The following FAM53C variants were observed in gnomAD, a reference collection of about 807,000 sequenced individuals.
FAM53C encodes protein FAM53C.
Under a neutral mutation model 34.7 loss-of-function variants are expected in FAM53C, and 10 were observed. The ratio of observed to expected loss-of-function variants is 0.29; its 90% CI spans 0.18 to 0.49. The LOEUF (loss-of-function observed/expected upper bound fraction) is 0.49. FAM53C is among the 20% of genes least tolerant of loss of function. The pLI is 0.99. For synonymous variants in FAM53C, 203 were observed against 203.6 expected (o/e 1.00, Z 0.03); for missense variants, 442 against 515.3 (o/e 0.86, Z 1.38).
rs765686400 is a variant in FAM53C, at chr5:138,346,779, C to T, written c.999C>T (p.Ala333=). Residue 333 remains alanine (A), a synonymous_variant, in exon 5 of 5, where the codon GCC becomes GCT. Coordinates refer to ENST00000239906, the MANE Select transcript of FAM53C (RefSeq NM_016605.3). ...GCATCTCTCCACCATGGTTCATGGCCTGTAGCCCCCCACCCCTCTCTGCTT... is the reference window on the plus strand; with the variant it reads ...GCATCTCTCCACCATGGTTCATGGCTTGTAGCCCCCCACCCCTCTCTGCTT... ...GSSISPPWFM[A]CSPPPLSASC... is the part of the protein sequence containing the mutation. The T allele has an allele frequency of 1.9e-5, 31 of 1,614,078 alleles. No individual in the cohort carries two copies. The highest frequency in any genetic ancestry group is 2.5e-5 in the Non-Finnish European group (30 of 1,180,062).
chr5:138,343,165 A>C (rs2126887572), intron 3 of FAM53C: 1 of 152,210 alleles, frequency 6.6e-6, no homozygotes, highest in Non-Finnish European at 1.5e-5. Context: ...TTATTTAATG[A>C]GTTTTCTATT....
intron 2 of FAM53C, 74 bp downstream of exon 2, chr5:138,341,487 T>C: frequency 7.6e-7 from 1 of 1,309,934 alleles, no homozygotes; most frequent in East Asian, 2.3e-5. Context: ...GCTATTACTT[T>C]ACTCTTGTCC....
Position 138,347,857 on chromosome 5 carries a change from C to A in FAM53C, c.*898C>A, listed in dbSNP as rs3832383. 1.9e-5 allele frequency: 2 copies of A among 106,420 alleles called. No homozygotes were observed. The highest frequency in any genetic ancestry group is 3.2e-5 in the African/African-American group (1 of 30,906). The allele number at this position is 106,420 out of a possible 1,614,324, so 6.6% of individuals were successfully genotyped here. ...AACTGAAGCAGGGTTGAGGGGCTCT[C>A]TCTCTCTCTCCTCTGCTGATGGGAC... On this transcript the variant is annotated 3_prime_UTR_variant, in exon 5 of 5. Coordinates refer to ENST00000239906, the MANE Select transcript of FAM53C (RefSeq NM_016605.3).
At position 138,348,829 on chromosome 5, in the gene FAM53C, T is replaced by C. The variant is rs972280329; in HGVS notation, c.*1870T>C. ...TCTATGGTTTCATTCCTCCCCTGGC[T>C]CTTCTCCCTCTTCAGGCCATAATTT... On this transcript the variant is annotated 3_prime_UTR_variant, in exon 5 of 5. Coordinates refer to ENST00000239906, the MANE Select transcript of FAM53C (RefSeq NM_016605.3). 3 of 152,366 alleles carry C rather than the reference T, an allele frequency of 2.0e-5. No homozygotes were observed. The highest frequency in any genetic ancestry group is 2.0e-4 in the Admixed American group (3 of 15,292). 9.4% of individuals were successfully genotyped at this position (152,366 alleles called of 1,614,324 possible).
intron 1 of FAM53C, 69 bp downstream of exon 1, chr5:138,338,376 C>T (rs911054460): frequency 7.7e-6 from 3 of 388,008 alleles, no homozygotes; most frequent in East Asian, 8.3e-5. Flanking sequence ...CCCTCCTTCC[C>T]TCTTTCCCCT....
In FAM53C at chr5:138,347,102, C is replaced by A; in HGVS notation, c.*143C>A. ...CTCAGGGCAGCTGGAAATCTTCTCG[C>A]TCCAGCAAGCTCGACCATGCCAAGA... On this transcript the variant is annotated 3_prime_UTR_variant, in exon 5 of 5. Coordinates refer to ENST00000239906, the MANE Select transcript of FAM53C (RefSeq NM_016605.3). 8.7e-7 allele frequency: 1 copy of A among 1,148,446 alleles called. No homozygotes were observed. The highest frequency in any genetic ancestry group is 3.0e-4 in the Middle Eastern group (1 of 3,340). 71.1% of individuals were successfully genotyped at this position (1,148,446 alleles called of 1,614,324 possible). A position where few individuals can be genotyped will look rare whatever the true frequency, so the allele number is the denominator to read the frequency against.
In FAM53C at chr5:138,346,835, T is replaced by G; in HGVS notation, c.1055T>G (p.Val352Gly). The G allele has an allele frequency of 6.2e-7, 1 of 1,614,092 alleles. No individual in the cohort carries two copies. The highest frequency in any genetic ancestry group is 8.5e-7 in the Non-Finnish European group (1 of 1,180,010). ...SCSPTGGSSQ[V>G]LSESEEEEEG... Reference sequence around the variant, plus strand: ...AGCCCCACTGGGGGTTCCTCCCAGGTGCTGAGTGAAAGCGAAGAGGAGGAG... The same window carrying G: ...AGCCCCACTGGGGGTTCCTCCCAGGGGCTGAGTGAAAGCGAAGAGGAGGAG... Residue 352 changes from valine (V) to glycine (G), a missense_variant, in exon 5 of 5, where the codon GTG becomes GGG. By Grantham distance (109) the Val-to-Gly change is moderately radical. Transcript: ENST00000239906.
Position 138,345,529 on chromosome 5 carries a change from C to T in FAM53C, c.841C>T (p.Arg281Cys), listed in dbSNP as rs750874638. The T allele has an allele frequency of 8.7e-6, 14 of 1,613,934 alleles. No individual in the cohort carries two copies. The highest frequency in any genetic ancestry group is 1.6e-4 in the Middle Eastern group (1 of 6,084). ...CTCACAGCCTTGTGATCTGGATGCC[C>T]GCAAAACTGGGGTCAAGCGGCGCCA... ...SRSQPCDLDARKTGVKRRHEE... is the reference protein window; with the variant it reads ...SRSQPCDLDACKTGVKRRHEE... The change falls in exon 4 of 5, where the codon CGC becomes TGC. Residue 281 changes from arginine (R) to cysteine (C), a missense_variant. By Grantham distance (180) the Arg-to-Cys change is radical. Transcript: ENST00000239906. This position sits in a 1 kb window ranked among gnomAD's most constrained non-coding sequence, Gnocchi z 6.3.
In FAM53C at chr5:138,340,445, G is replaced by A. The variant is rs567475313; in HGVS notation, c.-152-739G>A. Among the ~76,000 whole-genome samples, 5 of 152,320 alleles carry A rather than the reference G, an allele frequency of 3.3e-5. No individual in the cohort carries two copies. The South Asian group carries it at 8.3e-4, about 25-fold the overall frequency. On this transcript the variant is annotated intron_variant, in intron 1 of 4. Coordinates refer to ENST00000239906, the MANE Select transcript of FAM53C (RefSeq NM_016605.3). ...AGGTAATTGTGTGGGCTTGAAGCCTGTTATCTGATACAGTTAGTTTGCTTC... is the reference window on the plus strand; with the variant it reads ...AGGTAATTGTGTGGGCTTGAAGCCTATTATCTGATACAGTTAGTTTGCTTC...
intron 3 of FAM53C, chr5:138,343,158 TTTAA>T (rs1419828441): frequency 6.6e-6 from 1 of 152,172 alleles, no homozygotes; most frequent in Admixed American, 6.5e-5. Context: ...CAGTGGCTTA[TTTAA>T]TGAGTTTTCT....
In FAM53C at chr5:138,349,027, C is replaced by T. The variant is rs981352023; in HGVS notation, c.*2068C>T. 1 of 152,254 alleles carries T rather than the reference C, an allele frequency of 6.6e-6. No homozygotes were observed. The highest frequency in any genetic ancestry group is 1.5e-5 in the Non-Finnish European group (1 of 68,040). The allele number at this position is 152,254 out of a possible 1,614,324, so 9.4% of individuals were successfully genotyped here. On this transcript the variant is annotated 3_prime_UTR_variant, in exon 5 of 5. Coordinates refer to ENST00000239906, the MANE Select transcript of FAM53C (RefSeq NM_016605.3). Reference sequence around the variant, plus strand: ...CTCCATCCTGGTTTCCCCAAAGCCCCAGGGCACCATCCTTAGGGGAGAAGG... The same window carrying T: ...CTCCATCCTGGTTTCCCCAAAGCCCTAGGGCACCATCCTTAGGGGAGAAGG...
rs1761258415 is a variant in FAM53C at position 138,349,196 on chromosome 5, T to G, written c.*2237T>G. 1 of 152,694 alleles carries G rather than the reference T, an allele frequency of 6.5e-6. No homozygotes were observed. The highest frequency in any genetic ancestry group is 6.5e-5 in the Admixed American group (1 of 15,292). 9.5% of individuals were successfully genotyped at this position (152,694 alleles called of 1,614,324 possible). A position where few individuals can be genotyped will look rare whatever the true frequency, so the allele number is the denominator to read the frequency against. ...GGTTCATTTTGCTTTACACAGTAGA[T>G]CTGTTCCAACAGTTCTGTGTAAACC... is the stretch of plus-strand genomic sequence containing the variant. On this transcript the variant is annotated 3_prime_UTR_variant, in exon 5 of 5. Coordinates refer to ENST00000239906, the MANE Select transcript of FAM53C (RefSeq NM_016605.3).
chr5:138,339,264 G>C (rs1454289886), intron 1 of FAM53C, among the ~76,000 whole-genome samples: 1 of 152,190 alleles, frequency 6.6e-6, no homozygotes, highest in African/African-American at 2.4e-5. Flanking sequence ...TTGAGAAAGA[G>C]GAGGCCCCTC....
chr5:138,347,380 G>A lies in FAM53C; in HGVS notation c.*421G>A, dbSNP rs747145582. The stretch of plus-strand genomic sequence containing the variant: ...AGAGAAACTGCGTGAGAGTGTGTGC[G>A]TGCATGGGAGTGTACTTGTGGAAAG... On this transcript the variant is annotated 3_prime_UTR_variant, in exon 5 of 5. Transcript: ENST00000239906. The A allele has an allele frequency of 9.9e-5, 23 of 232,836 alleles. No homozygotes were observed. The highest frequency in any genetic ancestry group is 5.3e-4 in the East Asian group (4 of 7,480). 14.4% of individuals were successfully genotyped at this position (232,836 alleles called of 1,614,324 possible).
chr5:138,343,043 A>C (rs1404523177), intron 3 of FAM53C: 2 of 151,996 alleles, frequency 1.3e-5, no homozygotes, highest in Non-Finnish European at 2.9e-5. Flanking sequence ...AAAAACAAAA[A>C]ACAAAAAAAA....
At chr5:138,337,884 G>C, upstream of FAM53C, 1 of 1,115,664 alleles carries the variant, frequency 9.0e-7, no homozygotes. Flanking sequence ...TGCGTGACGC[G>C]GCCCGAACCG....
chr5:138,337,669 T>A, upstream of FAM53C: 1 of 320,078 alleles, frequency 3.1e-6, no homozygotes, highest in Non-Finnish European at 6.0e-6. Flanking sequence ...CCATTATAAG[T>A]CCTGGGTTTT....
At chr5:138,338,229 C>A, upstream of FAM53C, 2 of 1,255,176 alleles carry the variant, frequency 1.6e-6, no homozygotes, top group South Asian at 2.5e-5. Flanking sequence ...TTCGCGCCAG[C>A]GCCTTTTAAG....
intron 1 of FAM53C, among the ~76,000 whole-genome samples, chr5:138,339,631 T>C (rs1760968394): frequency 6.6e-6 from 1 of 152,164 alleles, no homozygotes; most frequent in Non-Finnish European, 1.5e-5. Flanking sequence ...CTCTGGTTGA[T>C]CTTTGAGGGC....
Sources: gnomAD v4.1 joint callset for allele counts (sites outside exome capture counted in the v4.1 genomes callset) on GRCh38, gnomAD v4.1.1 for gene constraint, Gnocchi (gnomAD v3.1) non-coding constraint, MANE v1.5 for transcripts, NCBI Gene and HGNC (gene_info 2026-07-23, HGNC 2026-07-21) for gene names.